WDR7: variants seen among roughly 807,000 people sequenced by gnomAD.
WDR7 encodes WD repeat-containing protein 7.
WDR7 carries 46 observed loss-of-function variants against 169.4 expected under a neutral mutation model. The ratio of observed to expected loss-of-function variants is 0.27; its 90% CI spans 0.21 to 0.35. The LOEUF is 0.35. Ranked by LOEUF, WDR7 falls within the 10% of genes least tolerant of loss-of-function variation. The pLI is 1.00. For synonymous variants in WDR7, 612 were observed against 666.8 expected, an observed-to-expected ratio of 0.92 and a Z score of 1.27; for missense variants, 1,534 against 1,859.3, an observed-to-expected ratio of 0.83 and a Z score of 3.22.
At chr18:56,777,697 A>T (rs907314077) in intron 17 of WDR7, among the ~76,000 whole-genome samples, 2 of 152,204 alleles carry the variant, frequency 1.3e-5, no homozygotes, top group Non-Finnish European at 2.9e-5. Context: ...CTGGCTCTTC[A>T]TGAAAAAGCA....
chr18:56,969,838 TATG>T (rs1354601988), intron 26 of WDR7, among the ~76,000 whole-genome samples: 3 of 152,240 alleles, frequency 2.0e-5, no homozygotes, highest in Admixed American at 1.3e-4. Flanking sequence ...CCATATTTAA[TATG>T]ATCTCTAAAT....
At chr18:56,691,644 C>T in intron 8 of WDR7, 71 bp from the exon 9 acceptor site, 1 of 1,331,216 alleles carries the variant, frequency 7.5e-7, no homozygotes, top group Non-Finnish European at 1.0e-6. Flanking sequence ...ACCAACAAAC[C>T]TTGTCATATG....
chr18:56,836,611 T>A (rs2045400901), intron 20 of WDR7, among the ~76,000 whole-genome samples: 1 of 152,244 alleles, frequency 6.6e-6, no homozygotes, highest in African/African-American at 2.4e-5. Flanking sequence ...ATGCTGAATA[T>A]GAAAATATTC....
intron 12 of WDR7, among the ~76,000 whole-genome samples, chr18:56,715,289 A>G (rs2026167102): frequency 6.6e-6 from 1 of 152,192 alleles, no homozygotes; most frequent in Admixed American, 6.5e-5. Context: ...TCAGATGTTG[A>G]GATCTCCAGT....
At chr18:56,713,887 A>G (rs1422821171) in intron 12 of WDR7, among the ~76,000 whole-genome samples, 1 of 151,402 alleles carries the variant, frequency 6.6e-6, no homozygotes, top group Non-Finnish European at 1.5e-5. Context: ...GACAGATAAG[A>G]GGAAACCAAG....
intron 20 of WDR7, among the ~76,000 whole-genome samples, chr18:56,816,981 T>C (rs2044983217): frequency 6.6e-6 from 1 of 152,086 alleles, no homozygotes; most frequent in African/African-American, 2.4e-5. Context: ...GCCCAGAAAA[T>C]ATTAATTTAA....
At chr18:56,801,201 A>T (rs1241476624) in intron 19 of WDR7, among the ~76,000 whole-genome samples, 8 of 152,232 alleles carry the variant, frequency 5.3e-5, no homozygotes, top group Admixed American at 5.2e-4. Context: ...ACCCTAGAAG[A>T]CATTAAAGGT....
Position 56,923,972 on chromosome 18 carries a change from C to T in WDR7, c.3577C>T (p.Pro1193Ser), listed in dbSNP as rs764857738. ...ACAGCCTCCAAGCCCCAAACTTCCT[C>T]CACACAGCACTATCCGAAGAACAGC... is the stretch of plus-strand genomic sequence containing the variant. ...LLQPPSPKLP[P>S]HSTIRRTAID... Residue 1193 changes from proline to serine, a missense_variant, in exon 22 of 28, where the codon CCA becomes TCA. By Grantham distance (74) the Pro-to-Ser change is moderately conservative. Transcript: ENST00000254442. 6.3e-7 allele frequency: 1 copy of T among 1,597,400 alleles called. No individual in the cohort carries two copies. Among genetic ancestry groups the T allele is most frequent in the Non-Finnish European group, 8.5e-7 (1 of 1,174,448 alleles).
chr18:56,734,524 GAAA>G (rs111344360), intron 14 of WDR7, among the ~76,000 whole-genome samples: 1 of 76,186 alleles, frequency 1.3e-5, no homozygotes, highest in Admixed American at 1.4e-4. Flanking sequence ...CACTGCTTTT[GAAA>G]AAAAAAAAAA....
chr18:56,973,482 C>G (rs1175010065), intron 26 of WDR7, among the ~76,000 whole-genome samples: 2 of 151,942 alleles, frequency 1.3e-5, no homozygotes, highest in East Asian at 1.9e-4. Context: ...AATATATATA[C>G]ATATTGTGTG....
intron 25 of WDR7, among the ~76,000 whole-genome samples, chr18:56,940,333 T>TGTACTC (rs1253543711): frequency 6.6e-6 from 1 of 152,254 alleles, no homozygotes; most frequent in African/African-American, 2.4e-5. Context: ...AGCACGTGAT[T>TGTACTC]GTACTCTATG....
At chr18:56,691,887 C>T in intron 9 of WDR7, 70 bp downstream of exon 9, 1 of 1,240,792 alleles carries the variant, frequency 8.1e-7, no homozygotes, top group Non-Finnish European at 1.1e-6. Flanking sequence ...TATTTATTGT[C>T]TTGTGATAGG....
intron 13 of WDR7, among the ~76,000 whole-genome samples, chr18:56,722,391 G>A (rs754496842): frequency 1.6e-4 from 24 of 152,090 alleles, no homozygotes; most frequent in Non-Finnish European, 2.5e-4. Flanking sequence ...TTTTCTTCAC[G>A]TATTTGACCC....
intron 19 of WDR7, among the ~76,000 whole-genome samples, chr18:56,815,080 G>GGTA (rs2044941868): frequency 1.3e-5 from 2 of 152,086 alleles, no homozygotes; most frequent in Non-Finnish European, 2.9e-5. Flanking sequence ...TCACATAAAT[G>GGTA]TTTAAGTTAA....
At chr18:56,860,080 C>T (rs979547588) in intron 20 of WDR7, among the ~76,000 whole-genome samples, 1 of 152,042 alleles carries the variant, frequency 6.6e-6, no homozygotes, top group African/African-American at 2.4e-5. Context: ...AATTTCAGCC[C>T]CCGAATGTGT....
chr18:56,792,669 G>C (rs891411179), intron 19 of WDR7, among the ~76,000 whole-genome samples: 19 of 114,386 alleles, frequency 1.7e-4, no homozygotes, highest in African/African-American at 6.3e-4. Context: ...CCTTCATGCT[G>C]TTCTTTTGTC....
chr18:56,956,986 T>G (rs1282409948), intron 25 of WDR7, among the ~76,000 whole-genome samples: 1 of 152,190 alleles, frequency 6.6e-6, no homozygotes, highest in Non-Finnish European at 1.5e-5. Flanking sequence ...TTTTGCATTG[T>G]CTACTAAAAT....
chr18:56,960,865 C>T (rs772943783), intron 25 of WDR7, among the ~76,000 whole-genome samples: 3 of 151,944 alleles, frequency 2.0e-5, no homozygotes, highest in Non-Finnish European at 2.9e-5. Flanking sequence ...GTTTTAGGAG[C>T]TTTCTATATC....
intron 19 of WDR7, among the ~76,000 whole-genome samples, chr18:56,796,984 C>G (rs1291274195): frequency 6.6e-6 from 1 of 152,066 alleles, no homozygotes; most frequent in African/African-American, 2.4e-5. Context: ...TTGCTGGGAC[C>G]TTTATAGTGG....
Sources: allele counts gnomAD v4.1 joint callset (sites outside exome capture counted in the v4.1 genomes callset), GRCh38; gene constraint gnomAD v4.1.1; transcripts MANE v1.5; gene names NCBI Gene and HGNC (gene_info 2026-07-23, HGNC 2026-07-21).